NUP155: variants seen among roughly 807,000 people sequenced by gnomAD.
NUP155 encodes the protein nuclear pore complex protein Nup155.
Under a neutral mutation model 180.4 loss-of-function variants are expected in NUP155, and 71 were observed. That is an observed-to-expected ratio of 0.39 (90% CI 0.33 to 0.48). The LOEUF (loss-of-function observed/expected upper bound fraction) is 0.48. Ranked by LOEUF, NUP155 falls within the 20% of genes least tolerant of loss-of-function variation. The pLI, the probability that NUP155 is intolerant of heterozygous loss-of-function variation, is 0.91. For synonymous variants in NUP155, 582 were observed against 559.5 expected, an observed-to-expected ratio of 1.04 and a Z score of -0.57; for missense variants, 1,553 against 1,648.9, an observed-to-expected ratio of 0.94 and a Z score of 1.01.
chr5:37,310,716 T>C lies in NUP155; in HGVS notation c.2464A>G (p.Thr822Ala). The C allele has an allele frequency of 6.2e-7, 1 of 1,613,756 alleles. No homozygotes were observed. Among genetic ancestry groups the C allele is most frequent in the Non-Finnish European group, 8.5e-7 (1 of 1,179,800 alleles). The part of the protein sequence containing the change: ...KELQEQLKIT[T>A]FKDLVIRDKE... Reference sequence around the variant, plus strand: ...TCCCTGATTACAAGATCTTTAAAGGTGGTGATCTTCAGCTGCTCTTGAAGT... The same window carrying C: ...TCCCTGATTACAAGATCTTTAAAGGCGGTGATCTTCAGCTGCTCTTGAAGT... Residue 822 changes from threonine to alanine, a missense_variant, in exon 23 of 35, where the codon ACC becomes GCC. Thr to Ala is a moderately conservative substitution (Grantham distance 58). Coordinates refer to ENST00000231498, the MANE Select transcript of NUP155 (RefSeq NM_153485.3).
At chr5:37,324,194 T>C (rs1339287528) in intron 19 of NUP155, 87 bp from the exon 20 acceptor site, 12 of 800,428 alleles carry the variant, frequency 1.5e-5, no homozygotes, top group Admixed American at 1.4e-4. Flanking sequence ...GAAATGAGTA[T>C]CTCTATAGTT....
At chr5:37,348,160 C>A (rs1041424515) in intron 9 of NUP155, among the ~76,000 whole-genome samples, 3 of 151,802 alleles carry the variant, frequency 2.0e-5, no homozygotes, top group African/African-American at 7.3e-5. Context: ...AAAAATTAGC[C>A]AGGCATGGTG....
intron 3 of NUP155, among the ~76,000 whole-genome samples, chr5:37,361,747 G>C (rs958258015): frequency 2.0e-5 from 3 of 152,136 alleles, no homozygotes; most frequent in African/African-American, 7.2e-5. Flanking sequence ...CTTGTGCCTT[G>C]ATTTTTTAAA....
chr5:37,303,350 C>T lies in NUP155; in HGVS notation c.3227G>A (p.Arg1076His), dbSNP rs559845218. ...ATACCGCCAGAGTAAATCCATATAA[C>T]GAACTCTGTTTTGATCAACTTTGGC... ...RMAKVDQNRV[R>H]YMDLLWRYYE... is the part of the protein sequence containing the mutation. Residue 1076 changes from arginine (R) to histidine (H), a missense_variant, in exon 28 of 35, where the codon CGT (arginine) becomes CAT (histidine). Physicochemically the swap from Arg to His is conservative, Grantham distance 29. Coordinates refer to ENST00000231498, the MANE Select transcript of NUP155 (RefSeq NM_153485.3). 4.1e-5 allele frequency: 66 copies of T among 1,613,970 alleles called. No homozygotes were observed. Among genetic ancestry groups the T allele is most frequent in the Admixed American group, 2.7e-4 (16 of 60,004 alleles).
chr5:37,360,835 T>G (rs918282895), intron 3 of NUP155, among the ~76,000 whole-genome samples: 3 of 151,692 alleles, frequency 2.0e-5, no homozygotes, highest in African/African-American at 7.3e-5. Context: ...CCCAGCACTT[T>G]GAGACTCCGT....
At position 37,314,295 on chromosome 5, in the gene NUP155, G is replaced by A; in HGVS notation, c.2339C>T (p.Ala780Val). Residue 780 changes from alanine to valine, a missense_variant, in exon 22 of 35, where the codon GCA (alanine) becomes GTA (valine). By Grantham distance (64) the Ala-to-Val change is moderately conservative (BLOSUM62 0). Transcript: ENST00000231498. The part of the protein sequence containing the change: ...AQLSEKISLQ[A>V]IQQLVRKSYQ... Reference sequence around the variant, plus strand: ...TGATTTTCGAACCAACTGCTGAATTGCCTGAAGTGAAATCTTTTCACTTAG... The same window carrying A: ...TGATTTTCGAACCAACTGCTGAATTACCTGAAGTGAAATCTTTTCACTTAG... The A allele has an allele frequency of 6.2e-7, 1 of 1,608,932 alleles. No homozygotes were observed. Among genetic ancestry groups the A allele is most frequent in the South Asian group, 1.1e-5 (1 of 90,674 alleles).
In NUP155 at chr5:37,331,390, C is replaced by T. The variant is rs554248434; in HGVS notation, c.1629+295G>A. ...GGGAGTTCGAGACCAGCCTGACCAA[C>T]ATGGAGAAACTCTGTCTCTACTAAA... On this transcript the variant is annotated intron_variant, in intron 14 of 34. Transcript: ENST00000231498. Among the ~76,000 whole-genome samples the T allele has an allele frequency of 2.0e-4, 30 of 152,236 alleles. No individual in the cohort carries two copies. The East Asian group carries it at 5.2e-3, about 27-fold the overall frequency.
chr5:37,348,464 A>T, intron 9 of NUP155, 41 bp downstream of exon 9: 1 of 1,185,998 alleles, frequency 8.4e-7, no homozygotes, highest in Non-Finnish European at 1.3e-6. Context: ...TAGTATAATT[A>T]TGCCTGCAAA....
At chr5:37,303,971 G>A (rs1743006013) in intron 27 of NUP155, among the ~76,000 whole-genome samples, 2 of 151,416 alleles carry the variant, frequency 1.3e-5, no homozygotes, top group African/African-American at 4.9e-5. Context: ...AATTTGGCCG[G>A]GCACAGTGGT....
At chr5:37,330,318 A>G (rs935436974) in intron 14 of NUP155, among the ~76,000 whole-genome samples, 186 bp from the exon 15 acceptor site, 1 of 152,230 alleles carries the variant, frequency 6.6e-6, no homozygotes, top group African/African-American at 2.4e-5. Flanking sequence ...AGTTCATCAT[A>G]AGCACTAGGA....
intron 32 of NUP155, 21 bp from the exon 33 acceptor site, chr5:37,294,486 C>A: frequency 1.2e-6 from 2 of 1,610,972 alleles, no homozygotes; most frequent in Non-Finnish European, 1.7e-6. Flanking sequence ...AAAAAAAGAT[C>A]GGAAATTTGG....
At chr5:37,364,668 G>A (rs1483822265) in intron 1 of NUP155, among the ~76,000 whole-genome samples, 5 of 150,286 alleles carry the variant, frequency 3.3e-5, no homozygotes, top group Non-Finnish European at 7.4e-5. Context: ...ATAGAGTCTC[G>A]CACTGTCGCC....
chr5:37,303,599 T>G (rs1270493973), intron 27 of NUP155, among the ~76,000 whole-genome samples, 185 bp from the exon 28 acceptor site: 1 of 152,196 alleles, frequency 6.6e-6, no homozygotes, highest in African/African-American at 2.4e-5. Context: ...ACAATTTTTG[T>G]TTTACCACAG....
intron 4 of NUP155, among the ~76,000 whole-genome samples, chr5:37,354,863 G>A (rs546414929): frequency 4.6e-5 from 7 of 152,104 alleles, no homozygotes; most frequent in South Asian, 4.1e-4. Context: ...AGGCAGAGAC[G>A]GGCGGATCAC....
rs1742200546 is a variant in NUP155 at position 37,290,805 on chromosome 5, G to A, written c.*1095C>T. The A allele has an allele frequency of 6.6e-6, 1 of 152,132 alleles. No individual in the cohort carries two copies. The highest frequency in any genetic ancestry group is 1.5e-5 in the Non-Finnish European group (1 of 68,032). The allele number at this position is 152,132 out of a possible 1,614,324, so 9.4% of individuals were successfully genotyped here. A position where few individuals can be genotyped will look rare whatever the true frequency, so the allele number is the denominator to read the frequency against. On this transcript the variant is annotated 3_prime_UTR_variant, in exon 35 of 35. Transcript: ENST00000231498. ...TGGAGAGCTTGTTAAAACATAGAAA[G>A]CAGGGCCTCATCCCCCACGTTTTTG...
chr5:37,320,032 A>G (rs1029848774), intron 20 of NUP155, among the ~76,000 whole-genome samples: 9 of 152,062 alleles, frequency 5.9e-5, no homozygotes, highest in African/African-American at 2.2e-4. Context: ...AAAATAAGAA[A>G]AAATCAGCCA....
intron 9 of NUP155, among the ~76,000 whole-genome samples, chr5:37,345,145 CAG>C (rs1454871396): frequency 2.7e-5 from 4 of 150,660 alleles, no homozygotes; most frequent in Admixed American, 6.6e-5. Flanking sequence ...TCCTGGGCAG[CAG>C]AGTTAAAAAA....
Position 37,310,664 on chromosome 5 carries a change from G to C in NUP155, c.2516C>G (p.Ala839Gly). 6.2e-7 allele frequency: 1 copy of C among 1,613,694 alleles called. No individual in the cohort carries two copies. The highest frequency in any genetic ancestry group is 8.5e-7 in the Non-Finnish European group (1 of 1,179,740). Residue 839 changes from alanine (A) to glycine (G), a missense_variant, in exon 23 of 35, where the codon GCT becomes GGT. Physicochemically the swap from Ala to Gly is moderately conservative, Grantham distance 60 (BLOSUM62 0). Coordinates refer to ENST00000231498, the MANE Select transcript of NUP155 (RefSeq NM_153485.3). ...RDKELTGALI[A>G]SLINCYIRDN... ...TCTGATGTAGCAGTTGATAAGAGAA[G>C]CAATTAATGCCCCTGTGAGTTCTTT...
At chr5:37,300,258 A>G (rs1293950152) in intron 30 of NUP155, among the ~76,000 whole-genome samples, 1 of 152,212 alleles carries the variant, frequency 6.6e-6, no homozygotes, top group African/African-American at 2.4e-5. Context: ...GAGAATGTCT[A>G]TTCCTCAAGC....
Sources: allele counts gnomAD v4.1 joint callset (sites outside exome capture counted in the v4.1 genomes callset), GRCh38; gene constraint gnomAD v4.1.1; transcripts MANE v1.5; gene names NCBI Gene and HGNC (gene_info 2026-07-23, HGNC 2026-07-21).